Variants in IPO11 observed in about 807,000 individuals in gnomAD.
IPO11 encodes importin-11.
In IPO11, 66 loss-of-function variants were observed where a neutral mutation model predicts 143.2. The observed-to-expected ratio is 0.46, with a 90% CI of 0.38 to 0.57. The LOEUF is 0.57. IPO11 is among the 20% of genes least tolerant of loss of function. The pLI, the probability that IPO11 is intolerant of heterozygous loss-of-function variation, is 0.00. For missense variants in IPO11, 1,026 were observed against 1,141.0 expected, an observed-to-expected ratio of 0.90 and a Z score of 1.45; for synonymous variants, 385 against 377.8, an observed-to-expected ratio of 1.02 and a Z score of -0.22.
At position 62,443,083 on chromosome 5, in the gene IPO11, A is replaced by G; in HGVS notation, c.239A>G (p.His80Arg). The G allele has an allele frequency of 6.3e-7, 1 of 1,585,922 alleles. No homozygotes were observed. The highest frequency in any genetic ancestry group is 8.6e-7 in the Non-Finnish European group (1 of 1,158,074). Residue 80 changes from histidine (H) to arginine (R), a missense_variant and splice_region_variant, in exon 3 of 30, where the codon CAT becomes CGT. Transcript: ENST00000325324. ...IDRYWRRVAP[H>R]ALSEEEKTTL... ...CGCTACTGGAGACGTGTAGCACCTC[A>G]GTAAGTTCCATCACTTCCCCTATTC... is the stretch of plus-strand genomic sequence containing the variant.
Position 62,530,643 on chromosome 5 carries a change from T to G in IPO11, c.2013-66T>G, listed in dbSNP as rs2112312905. ...TTTAAATGAGACCTTTTAAAATATT[T>G]AAGTCATATGTTAATGGCTTTAATG... On this transcript the variant is annotated intron_variant, in intron 21 of 29. Transcript: ENST00000325324. The G allele has an allele frequency of 3.3e-6, 3 of 919,586 alleles. No individual in the cohort carries two copies. The East Asian group carries it at 7.3e-5, about 22-fold the overall frequency. 57.0% of individuals were successfully genotyped at this position (919,586 alleles called of 1,614,324 possible).
chr5:62,499,375 G>A (rs1166120472), intron 16 of IPO11, among the ~76,000 whole-genome samples: 1 of 152,168 alleles, frequency 6.6e-6, no homozygotes, highest in Non-Finnish European at 1.5e-5. Flanking sequence ...TCTATAGGGC[G>A]CTTAACTTGA....
At chr5:62,526,097 G>T in intron 20 of IPO11, 45 bp from the exon 21 acceptor site, 1 of 1,254,526 alleles carries the variant, frequency 8.0e-7, no homozygotes, top group South Asian at 1.2e-5. Flanking sequence ...TGCGGGATGG[G>T]ACATTAGAGT....
In IPO11 at chr5:62,551,992, C is replaced by T. The variant is rs551648563; in HGVS notation, c.2460+656C>T. 5.2e-3 allele frequency among the ~76,000 whole-genome samples: 785 copies of T among 152,178 alleles called. 5 individuals are homozygous for T. The highest frequency in any genetic ancestry group is 7.0e-3 in the Non-Finnish European group (473 of 67,994). ...ACAAAAAATTAGCCCGGCGCGGTTG[C>T]GGGCACCTGTAGTCCCAGCTACTTG... On this transcript the variant is annotated intron_variant, in intron 26 of 29. Coordinates refer to ENST00000325324, the MANE Select transcript of IPO11 (RefSeq NM_016338.5).
At chr5:62,589,468 A>G (rs1206187611) in intron 27 of IPO11, among the ~76,000 whole-genome samples, 1 of 152,128 alleles carries the variant, frequency 6.6e-6, no homozygotes, top group Non-Finnish European at 1.5e-5. Context: ...CCCAACAGTC[A>G]TCCTAGACTC....
chr5:62,546,569 C>T (rs1473529585), intron 24 of IPO11, among the ~76,000 whole-genome samples: 1 of 152,034 alleles, frequency 6.6e-6, no homozygotes, highest in East Asian at 1.9e-4. Context: ...GCACGTTGTG[C>T]ACTTGTACCC....
At position 62,467,066 on chromosome 5, in the gene IPO11, T is replaced by C. The variant is rs1299250001; in HGVS notation, c.517-65T>C. On this transcript the variant is annotated intron_variant, in intron 5 of 29. Transcript: ENST00000325324. Reference sequence around the variant, plus strand: ...TGTAAAACTAAAATATATTACTTTGTAGTTCTAATGTATTACTGAAATGTA... The same window carrying C: ...TGTAAAACTAAAATATATTACTTTGCAGTTCTAATGTATTACTGAAATGTA... 4 of 1,393,268 alleles carry C rather than the reference T, an allele frequency of 2.9e-6. No homozygotes were observed. The East Asian group carries it at 9.4e-5, about 33-fold the overall frequency. The allele number at this position is 1,393,268 out of a possible 1,614,324, so 86.3% of individuals were successfully genotyped here.
At chr5:62,458,015 T>C (rs565138318) in intron 5 of IPO11, among the ~76,000 whole-genome samples, 55 of 151,652 alleles carry the variant, frequency 3.6e-4, no homozygotes, top group African/African-American at 1.3e-3. Context: ...GGCGTGGTGG[T>C]GGGCGCCTGT....
chr5:62,429,420 T>C (rs771662623), intron 1 of IPO11, among the ~76,000 whole-genome samples: 3 of 152,170 alleles, frequency 2.0e-5, no homozygotes, highest in Non-Finnish European at 4.4e-5. Context: ...TTTAATTTAA[T>C]TTAATTTTCG....
chr5:62,489,338 T>C lies in IPO11; in HGVS notation c.1346T>C (p.Ile449Thr). The part of the protein sequence containing the change: ...TNVEDMNALL[I>T]KDAVYNAVGL... ...GTGGAAGATATGAATGCACTGTTAATCAAAGATGCTGGTATGTTAAACTTA... is the reference window on the plus strand; with the variant it reads ...GTGGAAGATATGAATGCACTGTTAACCAAAGATGCTGGTATGTTAAACTTA... Residue 449 changes from isoleucine (I) to threonine (T), a missense_variant, in exon 14 of 30, where the codon ATC becomes ACC. Around this residue, in one of 5 missense-constraint regions of IPO11, gnomAD observed 237 missense variants for 288.0 expected, o/e 0.82. Transcript: ENST00000325324. 6.4e-7 allele frequency: 1 copy of C among 1,563,112 alleles called. No homozygotes were observed. Among genetic ancestry groups the C allele is most frequent in the Non-Finnish European group, 8.7e-7 (1 of 1,149,238 alleles).
intron 1 of IPO11, among the ~76,000 whole-genome samples, chr5:62,435,052 A>ATATATATACG (rs1554047132): frequency 4.9e-5 from 6 of 123,146 alleles, no homozygotes; most frequent in Non-Finnish European, 9.8e-5. Context: ...GTATATGTGT[A>ATATATATACG]TATATATATG....
chr5:62,450,210 T>G (rs1744860718), intron 4 of IPO11, among the ~76,000 whole-genome samples: 1 of 152,216 alleles, frequency 6.6e-6, no homozygotes, highest in Non-Finnish European at 1.5e-5. Context: ...CAGAAGTCAT[T>G]TTAAGGTATA....
At chr5:62,420,342 A>C (rs1743468403) in intron 1 of IPO11, among the ~76,000 whole-genome samples, 1 of 151,982 alleles carries the variant, frequency 6.6e-6, no homozygotes, top group Non-Finnish European at 1.5e-5. Flanking sequence ...AACCAGTAAC[A>C]TAGTTGCTTA....
At chr5:62,536,805 A>G in intron 23 of IPO11, 24 bp downstream of exon 23, 3 of 1,459,440 alleles carry the variant, frequency 2.1e-6, no homozygotes, top group Non-Finnish European at 2.7e-6. Context: ...CTTTTGCATT[A>G]TATGAAATTA....
chr5:62,443,362 T>C (rs896816169), intron 3 of IPO11: 1 of 298,402 alleles, frequency 3.4e-6, no homozygotes, highest in African/African-American at 2.2e-5. Context: ...ATTATTGTTT[T>C]CTTCATGGTT....
chr5:62,559,932 AAAAAAAAAAAG>A (rs1395277033), intron 26 of IPO11, among the ~76,000 whole-genome samples: 25 of 141,822 alleles, frequency 1.8e-4, no homozygotes, highest in South Asian at 6.6e-4. Flanking sequence ...AAAAAAAAAA[AAAAAAAAAAAG>A]AGAGAGAAAA....
intron 20 of IPO11, among the ~76,000 whole-genome samples, chr5:62,525,378 G>A (rs1402507344): frequency 1.4e-5 from 2 of 147,570 alleles, no homozygotes; most frequent in East Asian, 3.9e-4. Flanking sequence ...TTGTGTGTGT[G>A]TGTGTGTGAG....
chr5:62,485,048 A>G (rs1431901484), intron 11 of IPO11, among the ~76,000 whole-genome samples: 2 of 152,140 alleles, frequency 1.3e-5, no homozygotes, highest in Admixed American at 6.6e-5. Flanking sequence ...GAGTGTGAGT[A>G]ATCATTGTAC....
chr5:62,609,365 A>G (rs539620491), intron 29 of IPO11, among the ~76,000 whole-genome samples: 2 of 152,328 alleles, frequency 1.3e-5, no homozygotes, highest in Non-Finnish European at 1.5e-5. Context: ...CACCAGCACA[A>G]AAAGAAACAG....
Sources: gnomAD v4.1 joint callset for allele counts (sites outside exome capture counted in the v4.1 genomes callset) on GRCh38, gnomAD v4.1.1 for gene constraint, gnomAD v4.1.1 regional missense constraint, MANE v1.5 for transcripts, NCBI Gene and HGNC (gene_info 2026-07-23, HGNC 2026-07-21) for gene names.